The following MBTD1 variants were observed in gnomAD, a reference collection of about 807,000 sequenced individuals.
MBTD1 encodes mbt domain containing 1.
Under a neutral mutation model 87.8 loss-of-function variants are expected in MBTD1, and 24 were observed. That is an observed-to-expected ratio of 0.27 (90% confidence interval 0.20 to 0.38). The LOEUF (loss-of-function observed/expected upper bound fraction) is 0.38. Among genes scored for constraint, MBTD1 ranks in the 10% least tolerant of loss-of-function variants. The probability of loss-of-function intolerance (pLI) is 1.00; values close to 1 mark genes in which losing one functional copy is unlikely to be tolerated. For synonymous variants in MBTD1, 237 were observed against 248.6 expected, an observed-to-expected ratio of 0.95 and a Z score of 0.44; for missense variants, 436 against 760.2, an observed-to-expected ratio of 0.57 and a Z score of 5.02.
At chr17:51,221,740 G>A (rs1316309292) in intron 3 of MBTD1, among the ~76,000 whole-genome samples, 1 of 152,146 alleles carries the variant, frequency 6.6e-6, no homozygotes, top group Non-Finnish European at 1.5e-5. Context: ...CATTTACATT[G>A]TATTAGCTAT....
chr17:51,219,302 A>G (rs2052751129), intron 4 of MBTD1, among the ~76,000 whole-genome samples: 1 of 152,234 alleles, frequency 6.6e-6, no homozygotes, highest in Non-Finnish European at 1.5e-5. Context: ...ATAAAAAATT[A>G]TATCCCACAA....
chr17:51,260,280 G>T (rs972783050), upstream of MBTD1: 2 of 494,732 alleles, frequency 4.0e-6, no homozygotes, highest in Non-Finnish European at 7.1e-6. Context: ...GTGTATAGTC[G>T]GGGTTTCTTG....
intron 2 of MBTD1, among the ~76,000 whole-genome samples, chr17:51,232,721 G>A (rs2053611650): frequency 6.6e-6 from 1 of 152,040 alleles, no homozygotes; most frequent in Non-Finnish European, 1.5e-5. Flanking sequence ...ATTAGATACT[G>A]GCTAAGAATT....
intron 3 of MBTD1, among the ~76,000 whole-genome samples, chr17:51,223,472 A>G (rs950146857): frequency 3.3e-5 from 5 of 151,900 alleles, no homozygotes; most frequent in African/African-American, 1.2e-4. Flanking sequence ...GGAGGCAGAG[A>G]TTGCAGTGAG....
intron 2 of MBTD1, among the ~76,000 whole-genome samples, chr17:51,258,662 T>G (rs184738538): frequency 2.7e-3 from 410 of 152,296 alleles, no homozygotes; most frequent in Non-Finnish European, 3.8e-3. Flanking sequence ...TTAGACATCC[T>G]TAGAAGTGAT....
intron 2 of MBTD1, among the ~76,000 whole-genome samples, chr17:51,258,564 G>A (rs1176000857): frequency 2.6e-5 from 4 of 151,304 alleles, no homozygotes. Flanking sequence ...GGAAAGACTA[G>A]CTTCCGAGGA....
At chr17:51,193,110 C>A (rs980942518) in intron 14 of MBTD1, 94 bp from the exon 15 acceptor site, 7 of 774,362 alleles carry the variant, frequency 9.0e-6, no homozygotes, top group Non-Finnish European at 1.5e-5. Context: ...AAGCGACTAG[C>A]TAAATAACAT....
At chr17:51,202,000 G>C in intron 11 of MBTD1, 22 bp downstream of exon 11, 2 of 1,550,630 alleles carry the variant, frequency 1.3e-6, no homozygotes, top group Non-Finnish European at 1.8e-6. Flanking sequence ...TACAAATGAG[G>C]GTTCTTATAA....
chr17:51,188,971 T>C (rs1276169651), intron 16 of MBTD1, among the ~76,000 whole-genome samples: 2 of 152,040 alleles, frequency 1.3e-5, no homozygotes, highest in Non-Finnish European at 2.9e-5. Flanking sequence ...TTGGTCAGGC[T>C]GGTCTCGAAC....
intron 16 of MBTD1, chr17:51,184,712 TA>T (rs1237933571): frequency 6.6e-6 from 1 of 152,160 alleles, no homozygotes; most frequent in Admixed American, 6.5e-5. Flanking sequence ...GCCTCATGCT[TA>T]AAGAAAATAC....
chr17:51,206,538 T>C (rs937684653), intron 7 of MBTD1, among the ~76,000 whole-genome samples: 21 of 152,302 alleles, frequency 1.4e-4, no homozygotes, highest in African/African-American at 5.1e-4. Flanking sequence ...ACATTTTTAA[T>C]GGTTGAAAAG....
chr17:51,193,981 C>T (rs9912882), intron 13 of MBTD1, among the ~76,000 whole-genome samples: 92,577 of 152,010 alleles, frequency 0.61, 29,645 homozygotes, highest in African/African-American at 0.82. Flanking sequence ...TCCCTCCCCT[C>T]TCTAGAAACA....
intron 2 of MBTD1, chr17:51,249,644 T>G (rs942700570): frequency 6.6e-6 from 1 of 152,216 alleles, no homozygotes; most frequent in Non-Finnish European, 1.5e-5. Context: ...TCTCCACATA[T>G]TTTATCATTA....
chr17:51,249,326 T>C (rs897474719), intron 2 of MBTD1, among the ~76,000 whole-genome samples: 6 of 152,204 alleles, frequency 3.9e-5, no homozygotes, highest in Admixed American at 3.9e-4. Context: ...AGATCTTTTA[T>C]ATCCTTTTTT....
chr17:51,192,161 T>C (rs1367965776), intron 16 of MBTD1, 42 bp downstream of exon 16: 3 of 1,332,174 alleles, frequency 2.3e-6, no homozygotes, highest in South Asian at 2.5e-5. Flanking sequence ...TCCAATTAGT[T>C]AACAATTAGA....
At position 51,210,883 on chromosome 17, in the gene MBTD1, G is replaced by A. The variant is rs911161463; in HGVS notation, c.487-3878C>T. On this transcript the variant is annotated intron_variant, in intron 6 of 16. Transcript: ENST00000586178. Reference sequence around the variant, plus strand: ...GAATTGGCATGGTGTGGTGGCTCACGCCAAGGACTTTGGGAGGCCAAGGTG... The same window carrying A: ...GAATTGGCATGGTGTGGTGGCTCACACCAAGGACTTTGGGAGGCCAAGGTG... Among the ~76,000 whole-genome samples the A allele has an allele frequency of 7.2e-5, 11 of 152,030 alleles. 1 individual carries two copies. The highest frequency in any genetic ancestry group is 3.3e-4 in the Admixed American group (5 of 15,250).
intron 7 of MBTD1, among the ~76,000 whole-genome samples, chr17:51,205,055 T>C (rs2051739798): frequency 6.6e-6 from 1 of 152,246 alleles, no homozygotes; most frequent in Non-Finnish European, 1.5e-5. Flanking sequence ...ATCCTATTTA[T>C]AATTCTATAA....
rs912771751 is a variant in MBTD1 at position 51,259,922 on chromosome 17, G to A, written c.-200C>T. 2 of 1,224,354 alleles carry A rather than the reference G, an allele frequency of 1.6e-6. No homozygotes were observed. Among genetic ancestry groups the A allele is most frequent in the African/African-American group, 1.6e-5 (1 of 64,270 alleles). The allele number at this position is 1,224,354 out of a possible 1,614,324, so 75.8% of individuals were successfully genotyped here. On this transcript the variant is annotated 5_prime_UTR_variant, in exon 1 of 17. Coordinates refer to ENST00000586178, the MANE Select transcript of MBTD1 (RefSeq NM_017643.3). ...GCGGCGCCCCCTCCCCGGGCTGGGG[G>A]CAGGTGCCTCTCCCCGGGACTGCGG... is the stretch of plus-strand genomic sequence containing the variant.
intron 1 of MBTD1, among the ~76,000 whole-genome samples, 151 bp from the exon 2 acceptor site, chr17:51,259,357 A>G (rs998604413): frequency 4.0e-5 from 6 of 151,882 alleles, no homozygotes; most frequent in African/African-American, 1.2e-4. Context: ...CCCCCTTTCA[A>G]TATTTCCACC....
Sources: allele counts gnomAD v4.1 joint callset (sites outside exome capture counted in the v4.1 genomes callset), GRCh38; gene constraint gnomAD v4.1.1; transcripts MANE v1.5; gene names NCBI Gene and HGNC (gene_info 2026-07-23, HGNC 2026-07-21).